The following DNAI4 variants were observed in gnomAD, a reference collection of about 807,000 sequenced individuals.
DNAI4 encodes WD repeat domain 78.
A neutral mutation model predicts 105.8 loss-of-function variants in DNAI4; 85 were observed. The observed-to-expected ratio is 0.80, with a 90% CI of 0.67 to 0.96. DNAI4 has a LOEUF of 0.96. Ranked by LOEUF, DNAI4 falls within the 40% of genes least tolerant of loss-of-function variation. The probability of loss-of-function intolerance (pLI) is 0.00; values close to 1 mark genes in which losing one functional copy is unlikely to be tolerated. For synonymous variants in DNAI4, 352 were observed against 331.5 expected, an observed-to-expected ratio of 1.06 and a Z score of -0.67; for missense variants, 1,014 against 1,005.6, an observed-to-expected ratio of 1.01 and a Z score of -0.11.
Position 66,843,191 on chromosome 1 carries a change from C to T in DNAI4, c.1292-2520G>A, listed in dbSNP as rs1167078526. Among the ~76,000 whole-genome samples the T allele has an allele frequency of 1.6e-4, 11 of 70,908 alleles. No individual in the cohort carries two copies. In the Admixed American group the frequency reaches 2.9e-3, roughly 19 times the overall value. The allele number at this position is 70,908 out of a possible 152,430, so 46.5% of individuals were successfully genotyped here. ...CTCCAGCCTGGGTGACAAAGCAAGA[C>T]TCTGTCTCAAAAAAAAAAAAAGGTG... On this transcript the variant is annotated intron_variant, in intron 8 of 16. Transcript: ENST00000371026.
At position 66,893,008 on chromosome 1, in the gene DNAI4, AGAG is replaced by A. The variant is rs1557964810; in HGVS notation, c.530+218_530+220del. ...AAGAAAGAAAGAAAGAGAGAAAGAG[AGAG>A]AGGAAAGAAAGAAAGAAAGAGAGGA... On this transcript the variant is annotated intron_variant, in intron 3 of 16. Transcript: ENST00000371026. 6.0e-4 allele frequency among the ~76,000 whole-genome samples: 66 copies of A among 110,290 alleles called. 2 individuals carry two copies. Among genetic ancestry groups the A allele is most frequent in the Middle Eastern group, 5.3e-3 (1 of 190 alleles). 72.4% of individuals were successfully genotyped at this position (110,290 alleles called of 152,430 possible).
chr1:66,878,498 G>C (rs945658775), intron 4 of DNAI4, among the ~76,000 whole-genome samples: 3 of 152,138 alleles, frequency 2.0e-5, no homozygotes, highest in African/African-American at 4.8e-5. Context: ...TCTGAGCACT[G>C]AGAGTGCTTG....
intron 7 of DNAI4, among the ~76,000 whole-genome samples, chr1:66,860,255 G>A (rs1012858865): frequency 3.9e-5 from 6 of 151,948 alleles, no homozygotes; most frequent in South Asian, 2.1e-4. Context: ...ATTATTGGAC[G>A]TTTTCCCCCC....
chr1:66,839,184 C>A (rs1407213936), intron 9 of DNAI4, among the ~76,000 whole-genome samples: 7 of 152,086 alleles, frequency 4.6e-5, no homozygotes, highest in Non-Finnish European at 8.8e-5. Context: ...GTAATCCCAG[C>A]ACTTTGGGAG....
intron 15 of DNAI4, among the ~76,000 whole-genome samples, chr1:66,822,741 T>A (rs1471269133): frequency 3.3e-5 from 5 of 152,140 alleles, no homozygotes; most frequent in Non-Finnish European, 7.4e-5. Flanking sequence ...ACTTCACAAT[T>A]AAGATGTGAA....
intron 1 of DNAI4, among the ~76,000 whole-genome samples, chr1:66,912,859 A>G (rs1649763532): frequency 6.6e-6 from 1 of 152,148 alleles, no homozygotes; most frequent in Admixed American, 6.5e-5. Context: ...AGCTAACTTT[A>G]TGGCTCAAAC....
intron 1 of DNAI4, among the ~76,000 whole-genome samples, chr1:66,906,470 A>G (rs1452502323): frequency 6.6e-6 from 1 of 152,202 alleles, no homozygotes; most frequent in Non-Finnish European, 1.5e-5. Flanking sequence ...CAAGAATAAA[A>G]TATTTTTAAA....
At chr1:66,820,355 A>AT (rs557372783) in intron 16 of DNAI4, among the ~76,000 whole-genome samples, 238 of 152,242 alleles carry the variant, frequency 1.6e-3, no homozygotes, top group Non-Finnish European at 2.6e-3. Flanking sequence ...AAGCATGTTA[A>AT]TTTTTTCTCT....
At chr1:66,901,723 T>C (rs1408517675) in intron 2 of DNAI4, among the ~76,000 whole-genome samples, 2 of 152,236 alleles carry the variant, frequency 1.3e-5, no homozygotes, top group Non-Finnish European at 2.9e-5. Context: ...TTTTGATATA[T>C]ACTCCTTCCT....
At chr1:66,853,971 C>G (rs528135953) in intron 7 of DNAI4, among the ~76,000 whole-genome samples, 2 of 152,134 alleles carry the variant, frequency 1.3e-5, no homozygotes, top group Admixed American at 1.3e-4. Flanking sequence ...GTTGAAAATC[C>G]CAAGGAACAC....
intron 4 of DNAI4, among the ~76,000 whole-genome samples, chr1:66,883,678 A>C (rs1647131007): frequency 6.6e-6 from 1 of 152,210 alleles, no homozygotes; most frequent in Non-Finnish European, 1.5e-5. Context: ...ATACTTTTAA[A>C]TATGTTGTAT....
chr1:66,903,640 C>A (rs1009066712), intron 2 of DNAI4, among the ~76,000 whole-genome samples: 1 of 152,132 alleles, frequency 6.6e-6, no homozygotes, highest in African/African-American at 2.4e-5. Flanking sequence ...ATTACAGGCA[C>A]CTGCCACGAC....
intron 7 of DNAI4, among the ~76,000 whole-genome samples, chr1:66,857,876 G>A (rs553336015): frequency 3.3e-4 from 50 of 151,778 alleles, no homozygotes; most frequent in Non-Finnish European, 6.3e-4. Flanking sequence ...GTGAGCCACC[G>A]CACCCGGCCT....
intron 16 of DNAI4, among the ~76,000 whole-genome samples, chr1:66,820,401 T>C (rs1645600971): frequency 6.6e-6 from 1 of 152,180 alleles, no homozygotes; most frequent in Non-Finnish European, 1.5e-5. Context: ...CAAGCATTTA[T>C]TGAATAACTA....
chr1:66,913,711 A>G lies in DNAI4; in HGVS notation c.171-8336T>C, dbSNP rs187573783. 8.5e-4 allele frequency among the ~76,000 whole-genome samples: 129 copies of G among 152,246 alleles called. 2 individuals are homozygous for G. The East Asian group carries it at 0.024, about 28-fold the overall frequency. On this transcript the variant is annotated intron_variant, in intron 1 of 16. Transcript: ENST00000371026. ...CAGTAAGAAGGTGGAGGCCGGGCGC[A>G]GTGGCTCATGCCTGTAATTCCAGCA...
At chr1:66,915,388 CAGTT>C (rs1319274121) in intron 1 of DNAI4, among the ~76,000 whole-genome samples, 1 of 152,168 alleles carries the variant, frequency 6.6e-6, no homozygotes, top group African/African-American at 2.4e-5. Flanking sequence ...AAGATGGAGT[CAGTT>C]AGGTCATATC....
intron 3 of DNAI4, among the ~76,000 whole-genome samples, 156 bp downstream of exon 3, chr1:66,893,067 AAGAAAG>A (rs1302663421): frequency 3.2e-5 from 3 of 94,612 alleles, no homozygotes; most frequent in East Asian, 6.3e-4. Flanking sequence ...GAGAGAGAGA[AAGAAAG>A]AAAGAAAGAA....
At position 66,890,269 on chromosome 1, in the gene DNAI4, C is replaced by T. The variant is rs112024501; in HGVS notation, c.643+885G>A. ...GTTGCAGTGAGCCAAGATTGCACTC[C>T]AGTCTGGGTGACAGAGTGAGATCCT... On this transcript the variant is annotated intron_variant, in intron 4 of 16. Coordinates refer to ENST00000371026, the MANE Select transcript of DNAI4 (RefSeq NM_024763.5). This position sits in a 1 kb window ranked among gnomAD's most constrained non-coding sequence, Gnocchi z 4.1. 7.9e-3 allele frequency: 1,212 copies of T among 152,812 alleles called. 15 individuals carry two copies. Among genetic ancestry groups the T allele is most frequent in the African/African-American group, 0.028 (1,158 of 41,444 alleles). The allele number at this position is 152,812 out of a possible 1,614,324, so 9.5% of individuals were successfully genotyped here. A position where few individuals can be genotyped will look rare whatever the true frequency, so the allele number is the denominator to read the frequency against.
rs956796361 is a variant in DNAI4 at position 66,862,275 on chromosome 1, T to C, written c.968A>G (p.Tyr323Cys). 6.2e-7 allele frequency: 1 copy of C among 1,609,198 alleles called. No homozygotes were observed. The highest frequency in any genetic ancestry group is 2.2e-5 in the East Asian group (1 of 44,700). Residue 323 changes from tyrosine to cysteine, a missense_variant, in exon 7 of 17, where the codon TAT (tyrosine) becomes TGT (cysteine). Tyr to Cys is a radical substitution (Grantham distance 194). Coordinates refer to ENST00000371026, the MANE Select transcript of DNAI4 (RefSeq NM_024763.5). The stretch of plus-strand genomic sequence containing the variant: ...AAGTTCCATAGCATTGTAAGAATCA[T>C]ACAAATCCCAGGCAGTGGACATTAT... ...KGIMSTAWDL[Y>C]DSYNAMELVS...
Sources: gnomAD v4.1 joint callset for allele counts (sites outside exome capture counted in the v4.1 genomes callset) on GRCh38, gnomAD v4.1.1 for gene constraint, Gnocchi (gnomAD v3.1) non-coding constraint, MANE v1.5 for transcripts, NCBI Gene and HGNC (gene_info 2026-07-23, HGNC 2026-07-21) for gene names.